STAB2: variants seen among roughly 807,000 people sequenced by gnomAD.
STAB2 encodes the protein stabilin-2.
A neutral mutation model predicts 338.1 loss-of-function variants in STAB2; 288 were observed. The observed-to-expected ratio is 0.85, with a 90% CI of 0.77 to 0.94. STAB2 has a LOEUF of 0.94. STAB2 is among the 40% of genes least tolerant of loss of function. STAB2 has a pLI of 0.00. For missense variants in STAB2, 3,141 were observed against 3,210.1 expected (o/e 0.98, Z 0.52); for synonymous variants, 1,202 against 1,193.3 (o/e 1.01, Z -0.15).
At chr12:103,602,589 C>T (rs572764831) in intron 3 of STAB2, among the ~76,000 whole-genome samples, 27 of 152,298 alleles carry the variant, frequency 1.8e-4, no homozygotes, top group African/African-American at 6.5e-4. Context: ...TTTCTATCAA[C>T]AATGTATGAG....
chr12:103,640,541 C>T (rs1650123), intron 9 of STAB2, among the ~76,000 whole-genome samples: 69,616 of 151,894 alleles, frequency 0.46, 16,626 homozygotes, highest in Non-Finnish European at 0.54. Context: ...GAAGCCACTG[C>T]GACTGGGGAA....
At chr12:103,601,590 T>C (rs536501243) in intron 3 of STAB2, among the ~76,000 whole-genome samples, 1 of 152,122 alleles carries the variant, frequency 6.6e-6, no homozygotes, top group African/African-American at 2.4e-5. Flanking sequence ...AGACTCCATG[T>C]CAAAAAGAAA....
In STAB2 at chr12:103,655,244, T is replaced by C. The variant is rs761896617; in HGVS notation, c.1552-7T>C. 7.5e-6 allele frequency: 12 copies of C among 1,608,950 alleles called. No homozygotes were observed. The highest frequency in any genetic ancestry group is 2.2e-5 in the South Asian group (2 of 89,124). ...TCCTGATTTTTAAGCAAAATGTCTCTTTTTAGCAAACCATAATGACAATGC... is the reference window on the plus strand; with the variant it reads ...TCCTGATTTTTAAGCAAAATGTCTCCTTTTAGCAAACCATAATGACAATGC... On this transcript the variant is annotated splice_polypyrimidine_tract_variant and splice_region_variant and intron_variant, in intron 13 of 68. Coordinates refer to ENST00000388887, the MANE Select transcript of STAB2 (RefSeq NM_017564.10).
Position 103,638,011 on chromosome 12 carries a change from T to C in STAB2, c.710-5T>C, listed in dbSNP as rs754518914. 1 of 1,607,434 alleles carries C rather than the reference T, an allele frequency of 6.2e-7. No homozygotes were observed. The highest frequency in any genetic ancestry group is 1.3e-5 in the African/African-American group (1 of 74,998). On this transcript the variant is annotated splice_polypyrimidine_tract_variant and splice_region_variant and intron_variant, in intron 7 of 68. Transcript: ENST00000388887. ...CTGCCTCTCATTTTGCTGTTGCCTC[T>C]CAAGCCATCAATCCATGTTTACGAA...
Position 103,749,089 on chromosome 12 carries a change from T to C in STAB2, c.6371T>C (p.Ile2124Thr), listed in dbSNP as rs1369990123. Reference protein sequence around the residue: ...YKGDGHSCTEIDPCADGLNGG... With the variant: ...YKGDGHSCTETDPCADGLNGG... ...GGGGACGGGCACAGCTGCACAGAGA[T>C]AGACCCCTGTGCAGACGGCCTTAAC... Residue 2124 changes from isoleucine to threonine, a missense_variant, in exon 59 of 69, where the codon ATA (isoleucine) becomes ACA (threonine). Physicochemically the swap from Ile to Thr is moderately conservative, Grantham distance 89. Transcript: ENST00000388887. 5.6e-6 allele frequency: 9 copies of C among 1,613,942 alleles called. No individual in the cohort carries two copies. Among genetic ancestry groups the C allele is most frequent in the Non-Finnish European group, 7.6e-6 (9 of 1,180,014 alleles).
At position 103,703,164 on chromosome 12, in the gene STAB2, C is replaced by A. The variant is rs766310841; in HGVS notation, c.3731C>A (p.Ala1244Asp). The change falls in exon 35 of 69, where the codon GCT becomes GAT. Residue 1244 changes from alanine (A) to aspartate (D), a missense_variant. Ala to Asp is a moderately radical substitution (Grantham distance 126). Coordinates refer to ENST00000388887, the MANE Select transcript of STAB2 (RefSeq NM_017564.10). ...TGTTCACAGCTCTATGTAAATGAGG[C>A]TCCAATAAACTACACCAATGTAGCC... ...LHNDQLYVNE[A>D]PINYTNVATD... is the part of the protein sequence containing the mutation. 3 of 1,613,576 alleles carry A rather than the reference C, an allele frequency of 1.9e-6. No individual in the cohort carries two copies. The highest frequency in any genetic ancestry group is 2.5e-6 in the Non-Finnish European group (3 of 1,179,954).
At chr12:103,622,638 G>A (rs1957320122) in intron 5 of STAB2, among the ~76,000 whole-genome samples, 1 of 152,222 alleles carries the variant, frequency 6.6e-6, no homozygotes, top group Admixed American at 6.5e-5. Context: ...ACTTTAACAT[G>A]TGTAACCAAG....
intron 10 of STAB2, among the ~76,000 whole-genome samples, 153 bp downstream of exon 10, chr12:103,648,976 C>T (rs770805528): frequency 1.1e-4 from 17 of 152,080 alleles, no homozygotes; most frequent in Non-Finnish European, 2.4e-4. Context: ...AAAGGGCAGG[C>T]AGCTGTTTCA....
chr12:103,724,299 G>A (rs1881007943), intron 44 of STAB2, among the ~76,000 whole-genome samples: 1 of 152,206 alleles, frequency 6.6e-6, no homozygotes, highest in Non-Finnish European at 1.5e-5. Context: ...GTTTGCAGGA[G>A]ACAAAGACCT....
At chr12:103,755,021 C>A (rs17041491) in intron 61 of STAB2, 4,933 of 388,596 alleles carry the variant, frequency 0.013, 236 homozygotes, top group East Asian at 0.089. Flanking sequence ...CACCTAGTAT[C>A]AATGGATGAC....
intron 44 of STAB2, 47 bp downstream of exon 44, chr12:103,717,888 G>A: frequency 1.2e-6 from 2 of 1,603,824 alleles, no homozygotes; most frequent in Non-Finnish European, 8.5e-7. Flanking sequence ...CAGAGCCCAG[G>A]GTGCCTCCCA....
At position 103,637,876 on chromosome 12, in the gene STAB2, CA is replaced by C. The variant is rs1957574342; in HGVS notation, c.710-139del. 3.4e-6 allele frequency: 3 copies of C among 871,924 alleles called. No homozygotes were observed. In the African/African-American group the frequency reaches 5.0e-5, roughly 15 times the overall value. The allele number at this position is 871,924 out of a possible 1,614,324, so 54.0% of individuals were successfully genotyped here. On this transcript the variant is annotated intron_variant, in intron 7 of 68. Transcript: ENST00000388887. ...TGGCCATACATAAATCTGTCTGGTT[CA>C]GGGGGAAATGAAAGGAAATGTTTGT...
intron 3 of STAB2, among the ~76,000 whole-genome samples, chr12:103,615,345 G>A (rs968039166): frequency 1.2e-4 from 19 of 152,312 alleles, no homozygotes; most frequent in African/African-American, 4.6e-4. Context: ...GAACAAGAGA[G>A]GGAGTCAAGG....
intron 3 of STAB2, among the ~76,000 whole-genome samples, chr12:103,602,589 C>G (rs572764831): frequency 1.3e-5 from 2 of 152,180 alleles, no homozygotes; most frequent in African/African-American, 4.8e-5. Context: ...TTTCTATCAA[C>G]AATGTATGAG....
At chr12:103,632,758 C>A (rs985433502) in intron 6 of STAB2, among the ~76,000 whole-genome samples, 5 of 152,096 alleles carry the variant, frequency 3.3e-5, no homozygotes, top group Admixed American at 2.0e-4. Flanking sequence ...GGAGTTCCCG[C>A]CTCCCACCGT....
chr12:103,671,364 A>G (rs952060394), intron 22 of STAB2, among the ~76,000 whole-genome samples: 6 of 152,082 alleles, frequency 3.9e-5, no homozygotes, highest in African/African-American at 1.4e-4. Context: ...AGGTAGGAGA[A>G]TGGTTGAACT....
intron 15 of STAB2, among the ~76,000 whole-genome samples, chr12:103,658,168 G>A (rs1490678139): frequency 2.0e-5 from 3 of 152,198 alleles, no homozygotes; most frequent in Non-Finnish European, 4.4e-5. Flanking sequence ...GGAAAGGGAC[G>A]TGAATTTATA....
chr12:103,667,481 T>C (rs555684021), intron 19 of STAB2, among the ~76,000 whole-genome samples: 7 of 152,328 alleles, frequency 4.6e-5, no homozygotes, highest in Non-Finnish European at 8.8e-5. Flanking sequence ...GGCAGAACCA[T>C]GATTTGTTCT....
intron 1 of STAB2, among the ~76,000 whole-genome samples, chr12:103,588,479 T>A (rs1320306014): frequency 6.6e-6 from 1 of 152,172 alleles, no homozygotes; most frequent in Non-Finnish European, 1.5e-5. Context: ...TGGTAGTAAT[T>A]ATCATCACCA....
Sources: allele counts gnomAD v4.1 joint callset (sites outside exome capture counted in the v4.1 genomes callset), GRCh38; gene constraint gnomAD v4.1.1; transcripts MANE v1.5; gene names NCBI Gene and HGNC (gene_info 2026-07-23, HGNC 2026-07-21).